The following TMC2 variants were observed in gnomAD, a reference collection of about 807,000 sequenced individuals.
The protein encoded by TMC2 is transmembrane channel-like protein 2.
A neutral mutation model predicts 105.9 loss-of-function variants in TMC2; 102 were observed. That is an observed-to-expected ratio of 0.96 (90% CI 0.82 to 1.14). TMC2 has a LOEUF of 1.14. Ranked by LOEUF, TMC2 falls within the 50% of genes most tolerant of loss-of-function variation. The pLI is 0.00. For missense variants in TMC2, 1,093 were observed against 1,134.3 expected (o/e 0.96, Z 0.52); for synonymous variants, 402 against 422.8 (o/e 0.95, Z 0.60).
At chr20:2,562,041 C>T in intron 4 of TMC2, 31 bp downstream of exon 4, 1 of 1,602,880 alleles carries the variant, frequency 6.2e-7, no homozygotes, top group African/African-American at 1.3e-5. Flanking sequence ...CCAGGGCCTT[C>T]CGATGTCCAC....
chr20:2,571,852 T>C (rs1175769324), intron 4 of TMC2, among the ~76,000 whole-genome samples: 2 of 151,418 alleles, frequency 1.3e-5, no homozygotes, highest in Non-Finnish European at 2.9e-5. Flanking sequence ...AATAAATAAA[T>C]AAAATAAAAT....
At chr20:2,612,090 G>A (rs2086444306) in intron 12 of TMC2, 101 bp from the exon 13 acceptor site, 8 of 1,213,432 alleles carry the variant, frequency 6.6e-6, no homozygotes, top group Non-Finnish European at 9.1e-6. Context: ...GCAGAAGCTA[G>A]ATGGTAGGGT....
intron 17 of TMC2, among the ~76,000 whole-genome samples, chr20:2,626,790 C>T (rs2086567786): frequency 6.6e-6 from 1 of 152,182 alleles, no homozygotes; most frequent in Non-Finnish European, 1.5e-5. Flanking sequence ...CCAATTCCCT[C>T]CTGTGACAGT....
In TMC2 at chr20:2,558,556, G is replaced by A. The variant is rs1355622317; in HGVS notation, c.183G>A (p.Gly61=). 2 of 1,552,998 alleles carry A rather than the reference G, an allele frequency of 1.3e-6. No individual in the cohort carries two copies. Among genetic ancestry groups the A allele is most frequent in the African/African-American group, 1.4e-5 (1 of 73,132 alleles). ...GAQRSQKERA[G]GSPSPGSPRR... is the part of the protein sequence containing the mutation. ...AGCGAAGCCAGAAGGAGCGCGCCGGGGGCAGCCCAAGCCCGGGGTCTCCCC... is the reference window on the plus strand; with the variant it reads ...AGCGAAGCCAGAAGGAGCGCGCCGGAGGCAGCCCAAGCCCGGGGTCTCCCC... The change falls in exon 3 of 20, where the codon GGG becomes GGA. Residue 61 remains glycine, a synonymous_variant. Coordinates refer to ENST00000358864, the MANE Select transcript of TMC2 (RefSeq NM_080751.3). The surrounding 1 kb of genome is among the most constrained non-coding windows in gnomAD (Gnocchi z 4.6).
intron 2 of TMC2, among the ~76,000 whole-genome samples, chr20:2,544,021 C>G (rs1378677078): frequency 6.6e-6 from 1 of 151,532 alleles, no homozygotes; most frequent in Admixed American, 6.6e-5. Flanking sequence ...CATGCCTCAG[C>G]CTCCCAAGTA....
intron 7 of TMC2, among the ~76,000 whole-genome samples, chr20:2,584,435 C>T (rs1263778649): frequency 1.4e-5 from 2 of 140,524 alleles, no homozygotes; most frequent in Non-Finnish European, 3.0e-5. Context: ...CAGAGCGAGA[C>T]TCCGTCTCAA....
chr20:2,611,886 G>GTGGA (rs59459136), intron 12 of TMC2, among the ~76,000 whole-genome samples: 31,995 of 87,056 alleles, frequency 0.37, 6,103 homozygotes, highest in Middle Eastern at 0.45. Context: ...GGGTGGGTGG[G>GTGGA]TGGATGGATG....
Position 2,616,759 on chromosome 20 carries a change from C to T in TMC2, c.1941-313C>T, listed in dbSNP as rs551139485. On this transcript the variant is annotated intron_variant, in intron 15 of 19. Transcript: ENST00000358864. The surrounding 1 kb of genome is among the most constrained non-coding windows in gnomAD (Gnocchi z 4.8). ...TCAAATACTCTTCTGAGCAGCAATG[C>T]TGTTTTATGGAAACCGAGGAGAAAC... Among the ~76,000 whole-genome samples, 4 of 152,356 alleles carry T rather than the reference C, an allele frequency of 2.6e-5. No homozygotes were observed. In the East Asian group the frequency reaches 7.7e-4, roughly 29 times the overall value.
intron 5 of TMC2, among the ~76,000 whole-genome samples, chr20:2,573,258 T>C (rs1428012925): frequency 1.3e-5 from 2 of 152,212 alleles, no homozygotes; most frequent in Non-Finnish European, 2.9e-5. Context: ...CTTTTAATCC[T>C]GTATTTAATT....
chr20:2,606,819 A>T, intron 11 of TMC2, among the ~76,000 whole-genome samples: 1 of 138,214 alleles, frequency 7.2e-6, no homozygotes. Context: ...TGTCATTGTC[A>T]TTATGTTTTG....
At chr20:2,607,794 TATCCAGTTTTAC>T (rs909327328) in intron 11 of TMC2, among the ~76,000 whole-genome samples, 2 of 152,210 alleles carry the variant, frequency 1.3e-5, no homozygotes, top group African/African-American at 4.8e-5. Context: ...TTAATTGCTT[TATCCAGTTTTAC>T]ATGGGGATTC....
At chr20:2,586,631 A>G (rs6115057) in intron 7 of TMC2, among the ~76,000 whole-genome samples, 9,133 of 152,146 alleles carry the variant, frequency 0.06, 901 homozygotes, top group African/African-American at 0.2. Context: ...GTAAACAACC[A>G]TATCTCGTGT....
chr20:2,596,608 G>A (rs1412623752), intron 9 of TMC2, among the ~76,000 whole-genome samples: 1 of 150,140 alleles, frequency 6.7e-6, no homozygotes, highest in East Asian at 2.0e-4. Context: ...ACTCCAGCCT[G>A]GACGACAGAG....
intron 2 of TMC2, among the ~76,000 whole-genome samples, chr20:2,543,048 C>T (rs989811955): frequency 6.6e-6 from 1 of 151,870 alleles, no homozygotes; most frequent in African/African-American, 2.4e-5. Context: ...ACCAGCCTGG[C>T]CAACATGGTG....
chr20:2,641,471 T>G lies in TMC2; in HGVS notation c.*120T>G, dbSNP rs986345007. The G allele has an allele frequency of 1.6e-6, 1 of 644,218 alleles. No individual in the cohort carries two copies. Among genetic ancestry groups the G allele is most frequent in the African/African-American group, 1.8e-5 (1 of 54,858 alleles). 39.9% of individuals were successfully genotyped at this position (644,218 alleles called of 1,614,324 possible). ...TCACATACATGCTCTGTCTCCTCTC[T>G]TGGAATGCATGAACTTTGATTCCTT... On this transcript the variant is annotated 3_prime_UTR_variant, in exon 20 of 20. Coordinates refer to ENST00000358864, the MANE Select transcript of TMC2 (RefSeq NM_080751.3).
intron 4 of TMC2, among the ~76,000 whole-genome samples, chr20:2,566,975 C>A (rs539881946): frequency 1.3e-5 from 2 of 152,224 alleles, no homozygotes; most frequent in Non-Finnish European, 2.9e-5. Context: ...AAAACAACAG[C>A]CCCCATTGCC....
Position 2,592,664 on chromosome 20 carries a change from C to G in TMC2, c.933+256C>G, listed in dbSNP as rs1262188270. Among the ~76,000 whole-genome samples the G allele has an allele frequency of 6.6e-6, 1 of 152,176 alleles. No individual in the cohort carries two copies. The highest frequency in any genetic ancestry group is 1.5e-5 in the Non-Finnish European group (1 of 68,026). On this transcript the variant is annotated intron_variant, in intron 8 of 19. Coordinates refer to ENST00000358864, the MANE Select transcript of TMC2 (RefSeq NM_080751.3). The surrounding 1 kb of genome is among the most constrained non-coding windows in gnomAD (Gnocchi z 4.9). ...CACTGCACCTCTCTGTCTGCCAGGT[C>G]TCTGTAAGGTGATCTCACGGTATGC...
At chr20:2,599,228 A>T (rs1238407002) in intron 10 of TMC2, among the ~76,000 whole-genome samples, 2 of 150,610 alleles carry the variant, frequency 1.3e-5, no homozygotes, top group Non-Finnish European at 3.0e-5. Flanking sequence ...AGATCGCACC[A>T]CGGCATTCCA....
At chr20:2,559,782 T>TG (rs2086012419) in intron 3 of TMC2, among the ~76,000 whole-genome samples, 1 of 152,084 alleles carries the variant, frequency 6.6e-6, no homozygotes, top group Admixed American at 6.5e-5. Context: ...CTCCCAGACA[T>TG]GAACTAAAGA....
Sources: gnomAD v4.1 joint callset for allele counts (sites outside exome capture counted in the v4.1 genomes callset) on GRCh38, gnomAD v4.1.1 for gene constraint, Gnocchi (gnomAD v3.1) non-coding constraint, MANE v1.5 for transcripts, NCBI Gene and HGNC (gene_info 2026-07-23, HGNC 2026-07-21) for gene names.